INTS2: variants seen among roughly 807,000 people sequenced by gnomAD.
INTS2 encodes the protein KIAA1287.
Under a neutral mutation model 139.6 loss-of-function variants are expected in INTS2, and 57 were observed. The ratio of observed to expected loss-of-function variants is 0.41; its 90% CI spans 0.33 to 0.51. INTS2 has a LOEUF of 0.51. Ranked by LOEUF, INTS2 falls within the 20% of genes least tolerant of loss-of-function variation. INTS2 has a pLI of 0.28. For synonymous variants in INTS2, 473 were observed against 493.4 expected (o/e 0.96, Z 0.55); for missense variants, 1,196 against 1,436.7 (o/e 0.83, Z 2.71).
rs372598783 is a variant in INTS2, at chr17:61,922,747, G to A, written c.433-920C>T. The stretch of plus-strand genomic sequence containing the variant: ...TTAGAGTCACCAAGTGAGGTATTAC[G>A]GAAAAGATGAAGGAAAACTCTTGGC... On this transcript the variant is annotated intron_variant, in intron 3 of 24. Transcript: ENST00000251334. 2.1e-4 allele frequency among the ~76,000 whole-genome samples: 32 copies of A among 151,812 alleles called. No individual in the cohort carries two copies. The East Asian group carries it at 5.2e-3, about 25-fold the overall frequency.
At chr17:61,922,144 G>C (rs1348215153) in intron 3 of INTS2, among the ~76,000 whole-genome samples, 2 of 152,018 alleles carry the variant, frequency 1.3e-5, no homozygotes, top group African/African-American at 4.8e-5. Flanking sequence ...CTTTAAAAAA[G>C]CCAAGAACAG....
chr17:61,901,735 C>T (rs1000109048), intron 9 of INTS2, among the ~76,000 whole-genome samples: 4 of 151,294 alleles, frequency 2.6e-5, no homozygotes, highest in Non-Finnish European at 5.9e-5. Context: ...GGACTGCAGG[C>T]GCCCGCCACC....
Position 61,904,445 on chromosome 17 carries a change from T to C in INTS2, c.1307+15A>G. On this transcript the variant is annotated intron_variant, in intron 9 of 24. Coordinates refer to ENST00000251334, the MANE Select transcript of INTS2 (RefSeq NM_001351695.2). ...TAAACCTTGAGAAAATGGAGCAACT[T>C]ATATAGTTAGGTACCTGACAAGTGT... The C allele has an allele frequency of 6.4e-7, 1 of 1,567,100 alleles. No homozygotes were observed. The highest frequency in any genetic ancestry group is 1.2e-5 in the South Asian group (1 of 85,656).
intron 17 of INTS2, 142 bp downstream of exon 17, chr17:61,880,865 G>T: frequency 1.6e-6 from 1 of 618,648 alleles, no homozygotes; most frequent in Non-Finnish European, 2.7e-6. Context: ...TAAACGCAAA[G>T]AGTATTTTAT....
At position 61,882,457 on chromosome 17, in the gene INTS2, G is replaced by A. The variant is rs796652520; in HGVS notation, c.2090-1286C>T. On this transcript the variant is annotated intron_variant, in intron 16 of 24. Transcript: ENST00000251334. This position sits in a 1 kb window ranked among gnomAD's most constrained non-coding sequence, Gnocchi z 4.7. The stretch of plus-strand genomic sequence containing the variant: ...ATGTTAATAATGAGAGGCTGTGTGC[G>A]GTGGCTCATGCCTGTAATCCCAGCA... 1.5e-4 allele frequency among the ~76,000 whole-genome samples: 23 copies of A among 152,292 alleles called. No homozygotes were observed. The highest frequency in any genetic ancestry group is 4.8e-4 in the African/African-American group (20 of 41,570).
rs188376341 is a variant in INTS2, at chr17:61,905,700, T to C, written c.1182-1115A>G. On this transcript the variant is annotated intron_variant, in intron 8 of 24. Coordinates refer to ENST00000251334, the MANE Select transcript of INTS2 (RefSeq NM_001351695.2). ...CAGCCTTTGCCTCCTTTTTTTTATG[T>C]TTTTTGTTTTTGTAGAGATGGAGTT... Among the ~76,000 whole-genome samples the C allele has an allele frequency of 3.1e-3, 472 of 152,212 alleles. 5 individuals carry two copies. Among genetic ancestry groups the C allele is most frequent in the African/African-American group, 0.011 (449 of 41,548 alleles).
At chr17:61,891,154 G>A (rs2079288831) in intron 14 of INTS2, among the ~76,000 whole-genome samples, 1 of 151,904 alleles carries the variant, frequency 6.6e-6, no homozygotes, top group Non-Finnish European at 1.5e-5. Context: ...CATTAGCCAG[G>A]CGTTGTGGCA....
Position 61,873,882 on chromosome 17 carries a change from T to A in INTS2, c.2582+1031A>T, listed in dbSNP as rs560981887. ...TTAGCCTAATATTCAAGGCCCTCGA[T>A]AGCCTGACCCCAATTTAACTTTCCA... On this transcript the variant is annotated intron_variant, in intron 19 of 24. Coordinates refer to ENST00000251334, the MANE Select transcript of INTS2 (RefSeq NM_001351695.2). This position sits in a 1 kb window ranked among gnomAD's most constrained non-coding sequence, Gnocchi z 4.0. 6.6e-6 allele frequency among the ~76,000 whole-genome samples: 1 copy of A among 152,288 alleles called. No individual in the cohort carries two copies. Among genetic ancestry groups the A allele is most frequent in the African/African-American group, 2.4e-5 (1 of 41,572 alleles).
At position 61,866,723 on chromosome 17, in the gene INTS2, T is replaced by C. The variant is rs1329514923; in HGVS notation, c.*834A>G. The stretch of plus-strand genomic sequence containing the variant: ...ACCTTCATTTAATTTGATACATATT[T>C]CCCCCCTCTGAGCATTAGGTAAGTT... On this transcript the variant is annotated 3_prime_UTR_variant, in exon 25 of 25. Transcript: ENST00000251334. The C allele has an allele frequency of 6.6e-6, 1 of 151,842 alleles. No individual in the cohort carries two copies. Among genetic ancestry groups the C allele is most frequent in the Non-Finnish European group, 1.5e-5 (1 of 67,952 alleles). 9.4% of individuals were successfully genotyped at this position (151,842 alleles called of 1,614,324 possible).
Position 61,927,770 on chromosome 17 carries a change from C to A in INTS2, c.-135G>T. On this transcript the variant is annotated 5_prime_UTR_variant, in exon 1 of 25. Transcript: ENST00000251334. ...TTGGGCCTAGGCGATATCCGGAACC[C>A]CAAACCCTAGTTGTGCCTCGAGTCG... 1 of 1,568,726 alleles carries A rather than the reference C, an allele frequency of 6.4e-7. No individual in the cohort carries two copies. The highest frequency in any genetic ancestry group is 2.3e-5 in the East Asian group (1 of 44,362).
rs1358595077 is a variant in INTS2 at position 61,869,832 on chromosome 17, G to A, written c.2935C>T (p.Leu979Phe). 1.2e-6 allele frequency: 2 copies of A among 1,613,908 alleles called. No individual in the cohort carries two copies. Among genetic ancestry groups the A allele is most frequent in the South Asian group, 1.1e-5 (1 of 91,078 alleles). The change falls in exon 21 of 25, where the codon CTC becomes TTC. Residue 979 changes from leucine (L) to phenylalanine (F), a missense_variant. Coordinates refer to ENST00000251334, the MANE Select transcript of INTS2 (RefSeq NM_001351695.2). The surrounding 1 kb of genome is among the most constrained non-coding windows in gnomAD (Gnocchi z 5.4). ...KGMEEGEDNL[L>F]CNLREVQCLI... Reference sequence around the variant, plus strand: ...CACTGAACTTCTCGAAGGTTACAGAGCAAATTGTCTTCTCCTTCCTCCATT... The same window carrying A: ...CACTGAACTTCTCGAAGGTTACAGAACAAATTGTCTTCTCCTTCCTCCATT...
At position 61,868,154 on chromosome 17, in the gene INTS2, C is replaced by CTAG; in HGVS notation, c.3245-148_3245-146dup. 1 of 569,926 alleles carries CTAG rather than the reference C, an allele frequency of 1.8e-6. No homozygotes were observed. Among genetic ancestry groups the CTAG allele is most frequent in the South Asian group, 3.5e-5 (1 of 28,838 alleles). 35.3% of individuals were successfully genotyped at this position (569,926 alleles called of 1,614,324 possible). A position where few individuals can be genotyped will look rare whatever the true frequency, so the allele number is the denominator to read the frequency against. On this transcript the variant is annotated intron_variant, in intron 23 of 24. Coordinates refer to ENST00000251334, the MANE Select transcript of INTS2 (RefSeq NM_001351695.2). The surrounding 1 kb of genome is among the most constrained non-coding windows in gnomAD (Gnocchi z 4.7). ...AACCCGTCTTCAGAAAGCTCACAAT[C>CTAG]TAGTAGTCTCAGTCTTTATCCAAGA...
At chr17:61,911,303 T>C in intron 7 of INTS2, 1 of 455,712 alleles carries the variant, frequency 2.2e-6, no homozygotes, top group Non-Finnish European at 3.8e-6. Context: ...AATATTTAAG[T>C]GTTAATTTCT....
rs1159354172 is a variant in INTS2 at position 61,893,899 on chromosome 17, C to A, written c.1564G>T (p.Val522Phe). The change falls in exon 13 of 25, where the codon GTT becomes TTT. Residue 522 changes from valine to phenylalanine, a missense_variant and splice_region_variant. Physicochemically the swap from Val to Phe is conservative, Grantham distance 50. Around this residue, in one of 3 missense-constraint regions of INTS2, gnomAD observed 1,129 missense variants for 1,341.9 expected, o/e 0.84. Transcript: ENST00000251334. This position sits in a 1 kb window ranked among gnomAD's most constrained non-coding sequence, Gnocchi z 5.4. ...ACCCGAACTGCATGAGCTGTGACAA[C>A]CTAAAAGGGAAAAATAGCATTAGTA... ...IFTQEIFTEQVVTAHAVRVPV... is the reference protein window; with the variant it reads ...IFTQEIFTEQFVTAHAVRVPV... 6.5e-7 allele frequency: 1 copy of A among 1,548,172 alleles called. No homozygotes were observed. The highest frequency in any genetic ancestry group is 8.7e-7 in the Non-Finnish European group (1 of 1,145,194).
chr17:61,869,736 C>T lies in INTS2; in HGVS notation c.3030+1G>A. 6.2e-7 allele frequency: 1 copy of T among 1,611,928 alleles called. No individual in the cohort carries two copies. Among genetic ancestry groups the T allele is most frequent in the East Asian group, 2.2e-5 (1 of 44,814 alleles). On this transcript the variant is annotated splice_donor_variant, in intron 21 of 24. Transcript: ENST00000251334. LOFTEE classifies it high-confidence loss of function. This position sits in a 1 kb window ranked among gnomAD's most constrained non-coding sequence, Gnocchi z 5.4. ...CAAAGCATCATTCTTTGGAAACAGA[C>T]CTGAAAGTGAACAAGCTTAGCAATG...
chr17:61,869,851 C>T lies in INTS2; in HGVS notation c.2916G>A (p.Glu972=). The T allele has an allele frequency of 6.2e-7, 1 of 1,613,932 alleles. No individual in the cohort carries two copies. Among genetic ancestry groups the T allele is most frequent in the Non-Finnish European group, 8.5e-7 (1 of 1,179,838 alleles). ...TACAGAGCAAATTGTCTTCTCCTTC[C>T]TCCATTCCCTTATTTGGAGCGCTGG... is the stretch of plus-strand genomic sequence containing the variant. ...ITTSAPNKGM[E]EGEDNLLCNL... is the part of the protein sequence containing the mutation. Residue 972 remains glutamate, a synonymous_variant, in exon 21 of 25, where the codon GAG becomes GAA. Coordinates refer to ENST00000251334, the MANE Select transcript of INTS2 (RefSeq NM_001351695.2). The surrounding 1 kb of genome is among the most constrained non-coding windows in gnomAD (Gnocchi z 5.4).
At position 61,927,785 on chromosome 17, in the gene INTS2, G is replaced by C; in HGVS notation, c.-150C>G. The C allele has an allele frequency of 6.3e-7, 1 of 1,593,842 alleles. No individual in the cohort carries two copies. Among genetic ancestry groups the C allele is most frequent in the South Asian group, 1.1e-5 (1 of 88,316 alleles). On this transcript the variant is annotated 5_prime_UTR_variant, in exon 1 of 25. Coordinates refer to ENST00000251334, the MANE Select transcript of INTS2 (RefSeq NM_001351695.2). ...ATCCGGAACCCCAAACCCTAGTTGT[G>C]CCTCGAGTCGACTCGGACACCAAGA...
rs2145905627 is a variant in INTS2, at chr17:61,875,811, T to C, written c.2457-773A>G. On this transcript the variant is annotated intron_variant, in intron 18 of 24. Coordinates refer to ENST00000251334, the MANE Select transcript of INTS2 (RefSeq NM_001351695.2). This position sits in a 1 kb window ranked among gnomAD's most constrained non-coding sequence, Gnocchi z 4.6. ...AATATCCTAAAAGAATAAAGTATTT[T>C]ATACATGAAACAAGAACAAGAGGCA... 6.6e-6 allele frequency among the ~76,000 whole-genome samples: 1 copy of C among 152,282 alleles called. No individual in the cohort carries two copies. The highest frequency in any genetic ancestry group is 2.1e-4 in the South Asian group (1 of 4,830).
At chr17:61,903,738 C>G (rs1160242357) in intron 9 of INTS2, among the ~76,000 whole-genome samples, 1 of 150,920 alleles carries the variant, frequency 6.6e-6, no homozygotes, top group African/African-American at 2.4e-5. Flanking sequence ...CTCAGTAGTG[C>G]TTACATAATC....
Sources: allele counts gnomAD v4.1 joint callset (sites outside exome capture counted in the v4.1 genomes callset), GRCh38; gene constraint gnomAD v4.1.1; regional missense constraint gnomAD v4.1.1; non-coding constraint Gnocchi (gnomAD v3.1); transcripts MANE v1.5; gene names NCBI Gene and HGNC (gene_info 2026-07-23, HGNC 2026-07-21).